ADAM32: variants seen among roughly 807,000 people sequenced by gnomAD.
The protein encoded by ADAM32 is ADAM metallopeptidase domain 32, also known as disintegrin and metalloproteinase domain-containing protein 32.
A neutral mutation model predicts 114.9 loss-of-function variants in ADAM32; 89 were observed. The ratio of observed to expected loss-of-function variants is 0.77; its 90% confidence interval spans 0.65 to 0.92. The LOEUF (loss-of-function observed/expected upper bound fraction) is 0.92. Ranked by LOEUF, ADAM32 falls within the 40% of genes least tolerant of loss-of-function variation. The pLI is 0.00. For synonymous variants in ADAM32, 285 were observed against 307.5 expected (o/e 0.93, Z 0.77); for missense variants, 870 against 932.8 (o/e 0.93, Z 0.88).
intron 1 of ADAM32, among the ~76,000 whole-genome samples, chr8:39,113,230 C>T (rs9792291): frequency 0.42 from 63,855 of 151,916 alleles, 13,547 homozygotes; most frequent in East Asian, 0.58. Flanking sequence ...TGAATGGGGT[C>T]GTCTTAGTCT....
intron 16 of ADAM32, among the ~76,000 whole-genome samples, chr8:39,241,241 A>G (rs1305837211): frequency 6.6e-6 from 1 of 152,232 alleles, no homozygotes; most frequent in African/African-American, 2.4e-5. Flanking sequence ...TGCAGGGTAT[A>G]GCCTCCTGGC....
At chr8:39,271,804 G>C (rs923937897) in intron 20 of ADAM32, among the ~76,000 whole-genome samples, 8 of 152,052 alleles carry the variant, frequency 5.3e-5, no homozygotes, top group Non-Finnish European at 1.2e-4. Context: ...GGGTAGTTAA[G>C]TGTCTTGACA....
intron 12 of ADAM32, among the ~76,000 whole-genome samples, chr8:39,212,578 TTA>T (rs1296945426): frequency 2.0e-5 from 3 of 152,358 alleles, no homozygotes; most frequent in Non-Finnish European, 4.4e-5. Context: ...ACATATTTTT[TTA>T]TGTCTGGCTT....
intron 10 of ADAM32, among the ~76,000 whole-genome samples, chr8:39,175,160 T>C (rs1805447108): frequency 6.6e-6 from 1 of 151,706 alleles, no homozygotes; most frequent in Non-Finnish European, 1.5e-5. Context: ...CTCTTTCTAT[T>C]TGAATTCCCT....
Position 39,107,769 on chromosome 8 carries a change from C to A in ADAM32, c.-7C>A. On this transcript the variant is annotated 5_prime_UTR_variant, in exon 1 of 25. Transcript: ENST00000379907. ...CGGCTTCCCGCTGGCAGCCCCGAAG[C>A]CGCACCATGTTCCGCCTCTGGTTGC... 6.4e-7 allele frequency: 1 copy of A among 1,550,544 alleles called. No individual in the cohort carries two copies. The highest frequency in any genetic ancestry group is 1.4e-5 in the African/African-American group (1 of 73,148).
At chr8:39,216,065 A>G (rs930906481) in intron 12 of ADAM32, among the ~76,000 whole-genome samples, 1 of 151,966 alleles carries the variant, frequency 6.6e-6, no homozygotes, top group Non-Finnish European at 1.5e-5. Context: ...TATTTGCTTT[A>G]TATATCTGGG....
At chr8:39,170,852 T>C (rs1163927538) in intron 10 of ADAM32, among the ~76,000 whole-genome samples, 1 of 151,776 alleles carries the variant, frequency 6.6e-6, no homozygotes, top group Non-Finnish European at 1.5e-5. Flanking sequence ...TTACCAGAGG[T>C]TGGGAAGGGT....
intron 19 of ADAM32, 109 bp downstream of exon 19, chr8:39,257,452 G>C: frequency 7.9e-7 from 1 of 1,265,856 alleles, no homozygotes; most frequent in Non-Finnish European, 1.1e-6. Flanking sequence ...CTGGGATTTT[G>C]AGTATTACAT....
chr8:39,170,756 T>A (rs1032305793), intron 10 of ADAM32, among the ~76,000 whole-genome samples: 2 of 152,016 alleles, frequency 1.3e-5, no homozygotes, highest in Admixed American at 6.6e-5. Flanking sequence ...AATAAAAAAA[T>A]TTTTAGAACA....
chr8:39,137,770 C>A (rs1242737843), intron 3 of ADAM32, among the ~76,000 whole-genome samples: 522 of 136,516 alleles, frequency 3.8e-3, no homozygotes, highest in Non-Finnish European at 4.5e-3. Flanking sequence ...GACACTGTCT[C>A]AAAAAAAAAA....
At chr8:39,131,924 G>T in intron 2 of ADAM32, 1 of 207,360 alleles carries the variant, frequency 4.8e-6, no homozygotes. Flanking sequence ...ATGGAGTTTC[G>T]CTCTTGTCGC....
At chr8:39,147,074 T>C in intron 3 of ADAM32, 56 bp from the exon 4 acceptor site, 1 of 710,864 alleles carries the variant, frequency 1.4e-6, no homozygotes, top group Non-Finnish European at 1.9e-6. Context: ...GTTTACTATG[T>C]TTTTATATGT....
chr8:39,225,171 CT>C (rs142651373), intron 14 of ADAM32, among the ~76,000 whole-genome samples: 37 of 152,342 alleles, frequency 2.4e-4, no homozygotes, highest in African/African-American at 7.0e-4. Flanking sequence ...GTGCACACCC[CT>C]GACCCTGGAG....
At chr8:39,223,732 A>G (rs1008729239) in intron 14 of ADAM32, 1 of 152,124 alleles carries the variant, frequency 6.6e-6, no homozygotes, top group African/African-American at 2.4e-5. Flanking sequence ...GTTGTACATT[A>G]CATCTCTTGA....
chr8:39,242,622 C>G (rs1810636501), intron 16 of ADAM32, among the ~76,000 whole-genome samples: 1 of 152,106 alleles, frequency 6.6e-6, no homozygotes, highest in East Asian at 1.9e-4. Context: ...GAAAGACCTG[C>G]CTCCATGATT....
At chr8:39,222,543 G>A (rs959289450) in intron 13 of ADAM32, among the ~76,000 whole-genome samples, 3 of 151,988 alleles carry the variant, frequency 2.0e-5, no homozygotes, top group African/African-American at 7.2e-5. Flanking sequence ...AAAGATTCTA[G>A]TTGTGTTCCT....
intron 9 of ADAM32, chr8:39,169,449 A>G (rs1044845809): frequency 6.5e-6 from 1 of 153,088 alleles, no homozygotes; most frequent in African/African-American, 2.4e-5. Context: ...CTATTATTAT[A>G]TGACAGTTTA....
chr8:39,191,242 G>A (rs937303318), intron 11 of ADAM32, among the ~76,000 whole-genome samples: 1 of 152,162 alleles, frequency 6.6e-6, no homozygotes, highest in African/African-American at 2.4e-5. Flanking sequence ...ATGATAGAAC[G>A]ATTTATATTC....
At chr8:39,273,387 C>T (rs1040754151) in intron 20 of ADAM32, among the ~76,000 whole-genome samples, 1 of 151,848 alleles carries the variant, frequency 6.6e-6, no homozygotes, top group Admixed American at 6.6e-5. Context: ...ATTAGCCAGG[C>T]GTGGTGGCAC....
Sources: allele counts gnomAD v4.1 joint callset (sites outside exome capture counted in the v4.1 genomes callset), GRCh38; gene constraint gnomAD v4.1.1; transcripts MANE v1.5; gene names NCBI Gene and HGNC (gene_info 2026-07-23, HGNC 2026-07-21).